Variants in MAP4 observed in about 807,000 individuals in gnomAD.
The protein encoded by MAP4 is microtubule associated protein 4, also known as microtubule-associated protein 4.
MAP4 carries 76 observed loss-of-function variants against 170.2 expected under a neutral mutation model. That is an observed-to-expected ratio of 0.45 (90% CI 0.37 to 0.54). MAP4 has a LOEUF of 0.54. MAP4 is among the 20% of genes least tolerant of loss of function. The probability of loss-of-function intolerance (pLI) is 0.00; values close to 1 mark genes in which losing one functional copy is unlikely to be tolerated. For missense variants in MAP4, 2,506 were observed against 2,748.0 expected, an observed-to-expected ratio of 0.91 and a Z score of 1.97; for synonymous variants, 909 against 994.5, an observed-to-expected ratio of 0.91 and a Z score of 1.62.
At chr3:47,975,263 A>C (rs1293689572) in intron 3 of MAP4, 6 of 1,423,176 alleles carry the variant, frequency 4.2e-6, no homozygotes, top group Non-Finnish European at 5.5e-6. Context: ...AACCCTGCAG[A>C]GCACAAGAGG....
intron 1 of MAP4, among the ~76,000 whole-genome samples, chr3:48,076,332 T>C (rs1035680416): frequency 6.7e-6 from 1 of 148,962 alleles, no homozygotes; most frequent in Non-Finnish European, 1.5e-5. Context: ...TCATCTCTAC[T>C]AAAAATACAA....
chr3:47,992,192 C>T (rs1356120721), intron 2 of MAP4, among the ~76,000 whole-genome samples: 1 of 152,136 alleles, frequency 6.6e-6, no homozygotes, highest in Admixed American at 6.5e-5. Flanking sequence ...CAAAAACCAT[C>T]AGTCCGATAA....
At chr3:47,914,276 G>A (rs2100037427) in intron 8 of MAP4, among the ~76,000 whole-genome samples, 2 of 152,108 alleles carry the variant, frequency 1.3e-5, no homozygotes, top group South Asian at 2.1e-4. Flanking sequence ...CAGTGGAGAA[G>A]GCCAGGCACG....
chr3:47,981,930 C>G (rs2100085651), intron 2 of MAP4, among the ~76,000 whole-genome samples: 1 of 152,174 alleles, frequency 6.6e-6, no homozygotes, highest in Non-Finnish European at 1.5e-5. Context: ...CAGACCCCAT[C>G]ATCTCATAAG....
chr3:47,966,927 G>A (rs981803588), intron 3 of MAP4, among the ~76,000 whole-genome samples: 18 of 152,156 alleles, frequency 1.2e-4, no homozygotes, highest in African/African-American at 4.1e-4. Context: ...TTCCAACTTT[G>A]TTCTTTTTCA....
intron 16 of MAP4, among the ~76,000 whole-genome samples, chr3:47,868,838 T>G (rs578177774): frequency 1.3e-5 from 2 of 152,208 alleles, no homozygotes; most frequent in South Asian, 4.2e-4. Flanking sequence ...TTCCAGGTGG[T>G]GGAAATTACC....
chr3:47,911,603 A>C lies in MAP4; in HGVS notation c.2818T>G (p.Leu940Val). Residue 940 changes from leucine (L) to valine (V), a missense_variant, in exon 9 of 21, where the codon TTG (leucine) becomes GTG (valine). Physicochemically the swap from Leu to Val is conservative, Grantham distance 32 (BLOSUM62 1). Transcript: ENST00000683076. The surrounding 1 kb of genome is among the most constrained non-coding windows in gnomAD (Gnocchi z 4.0). ...CAACCCTCTTTAAGTCTGATATCCA[A>C]AGGGGTTTCTACATTGTATGCAGAA... The part of the protein sequence containing the change: ...EVSAYNVETP[L>V]DIRLKEGCSP... 1 of 1,536,122 alleles carries C rather than the reference A, an allele frequency of 6.5e-7. No homozygotes were observed. Among genetic ancestry groups the C allele is most frequent in the Non-Finnish European group, 8.7e-7 (1 of 1,146,904 alleles).
At chr3:48,032,056 G>A (rs369375826) in intron 1 of MAP4, among the ~76,000 whole-genome samples, 116 of 152,044 alleles carry the variant, frequency 7.6e-4, no homozygotes, top group African/African-American at 2.8e-3. Flanking sequence ...CCCAACTGAA[G>A]GACACTCTAC....
chr3:48,046,798 T>C (rs1045483039), intron 1 of MAP4, among the ~76,000 whole-genome samples: 15 of 152,158 alleles, frequency 9.9e-5, no homozygotes, highest in African/African-American at 3.4e-4. Flanking sequence ...TACTCATCTA[T>C]AAAATAAAAA....
chr3:47,974,672 G>GATTCTAGATTTA, intron 3 of MAP4: 1 of 954,036 alleles, frequency 1.0e-6, no homozygotes, highest in Non-Finnish European at 1.2e-6. Context: ...AATCTCAACT[G>GATTCTAGATTTA]GTTCTAGATT....
chr3:48,031,259 T>C (rs919999982), intron 1 of MAP4, among the ~76,000 whole-genome samples: 4 of 151,446 alleles, frequency 2.6e-5, no homozygotes, highest in Non-Finnish European at 4.4e-5. Flanking sequence ...CTATGAAAAA[T>C]ACAAAAATTA....
chr3:47,975,024 T>C (rs2100081144), intron 3 of MAP4: 2 of 994,964 alleles, frequency 2.0e-6, no homozygotes, highest in Admixed American at 1.1e-4. Flanking sequence ...TGAAAACACA[T>C]GTTCTCATTT....
chr3:47,858,052 T>C (rs2059552264), intron 17 of MAP4, among the ~76,000 whole-genome samples: 1 of 143,960 alleles, frequency 6.9e-6, no homozygotes, highest in African/African-American at 2.6e-5. Flanking sequence ...AGACAGAGTT[T>C]CACTCTTGTT....
chr3:48,056,889 T>G (rs946018133), intron 1 of MAP4, among the ~76,000 whole-genome samples: 4 of 99,306 alleles, frequency 4.0e-5, no homozygotes, highest in Admixed American at 1.1e-4. Context: ...GTCCGGGAGG[T>G]GAGGGGCGCC....
Position 47,863,921 on chromosome 3 carries a change from G to T in MAP4, c.6501+3325C>A, listed in dbSNP as rs112046467. Among the ~76,000 whole-genome samples, 136 of 110,868 alleles carry T rather than the reference G, an allele frequency of 1.2e-3. 1 individual carries two copies. The highest frequency in any genetic ancestry group is 4.5e-3 in the African/African-American group (99 of 22,048). 72.7% of individuals were successfully genotyped at this position (110,868 alleles called of 152,430 possible). ...TTCTGTGTGTGTGTGTGTGGGTGTG[G>T]GTGTGTGTGTGTGTGTGGGGAGTGG... On this transcript the variant is annotated intron_variant, in intron 17 of 20. Transcript: ENST00000683076.
In MAP4 at chr3:47,977,896, A is replaced by G; in HGVS notation, c.261T>C (p.Gly87=). Residue 87 remains glycine, a synonymous_variant, in exon 3 of 21, where the codon GGT becomes GGC. Transcript: ENST00000683076. The part of the protein sequence containing the change: ...PSSKPTLLAN[G]GHGVEGSDTT... ...TATCGCTCCCTTCTACTCCATGACC[A>G]CCATTGGCTAGGAGTGTTGGTTTAG... The G allele has an allele frequency of 6.2e-7, 1 of 1,613,098 alleles. No homozygotes were observed. The highest frequency in any genetic ancestry group is 8.5e-7 in the Non-Finnish European group (1 of 1,179,186).
intron 1 of MAP4, among the ~76,000 whole-genome samples, chr3:48,074,499 T>C (rs2154566490): frequency 6.8e-6 from 1 of 147,230 alleles, no homozygotes; most frequent in South Asian, 2.1e-4. Flanking sequence ...TATATATATA[T>C]ATACACACAC....
At chr3:48,023,019 A>C (rs1435881103) in intron 1 of MAP4, among the ~76,000 whole-genome samples, 2 of 152,230 alleles carry the variant, frequency 1.3e-5, no homozygotes, top group African/African-American at 4.8e-5. Flanking sequence ...TAGTACCATT[A>C]GCCTACAAGA....
intron 12 of MAP4, among the ~76,000 whole-genome samples, chr3:47,873,628 A>C (rs319682): frequency 1.3e-5 from 2 of 152,062 alleles, no homozygotes; most frequent in African/African-American, 4.8e-5. Flanking sequence ...GGAATCAGGG[A>C]AAGTGGTTCT....
Sources: gnomAD v4.1 joint callset for allele counts (sites outside exome capture counted in the v4.1 genomes callset) on GRCh38, gnomAD v4.1.1 for gene constraint, Gnocchi (gnomAD v3.1) non-coding constraint, MANE v1.5 for transcripts, NCBI Gene and HGNC (gene_info 2026-07-23, HGNC 2026-07-21) for gene names.